The following GRIA1 variants were observed in gnomAD, a reference collection of about 807,000 sequenced individuals.
The protein encoded by GRIA1 is glutamate ionotropic receptor AMPA type subunit 1.
GRIA1 carries 31 observed loss-of-function variants against 99.2 expected under a neutral mutation model. The ratio of observed to expected loss-of-function variants is 0.31; its 90% confidence interval spans 0.23 to 0.42. The LOEUF (loss-of-function observed/expected upper bound fraction) is 0.42, where lower values mean the gene tolerates loss of function less well. GRIA1 is among the 10% of genes least tolerant of loss of function. The probability of loss-of-function intolerance (pLI) is 1.00; values close to 1 mark genes in which losing one functional copy is unlikely to be tolerated. For missense variants in GRIA1, 782 were observed against 1,157.5 expected, an observed-to-expected ratio of 0.68 and a Z score of 4.71; for synonymous variants, 438 against 432.4, an observed-to-expected ratio of 1.01 and a Z score of -0.16.
At chr5:153,759,568 C>CTCCCA (rs1419377651) in intron 11 of GRIA1, among the ~76,000 whole-genome samples, 1 of 151,900 alleles carries the variant, frequency 6.6e-6, no homozygotes, top group Non-Finnish European at 1.5e-5. Context: ...AATAAAAAGT[C>CTCCCA]TCCCATCATA....
chr5:153,670,422 A>G (rs1756073551), intron 5 of GRIA1, among the ~76,000 whole-genome samples: 1 of 147,840 alleles, frequency 6.8e-6, no homozygotes, highest in South Asian at 2.1e-4. Flanking sequence ...CTGAAAAACA[A>G]GTACTCTGTA....
chr5:153,732,671 T>TG (rs35431228), intron 11 of GRIA1, among the ~76,000 whole-genome samples: 142,859 of 152,112 alleles, frequency 0.94, 67,233 homozygotes, highest in East Asian at 1. Context: ...TCCAATTCCA[T>TG]AATTGCCTTT....
intron 2 of GRIA1, among the ~76,000 whole-genome samples, chr5:153,537,807 T>C (rs1264934942): frequency 6.6e-6 from 1 of 152,232 alleles, no homozygotes; most frequent in Non-Finnish European, 1.5e-5. Context: ...ATCTGCAGGT[T>C]GATAAAAATC....
intron 11 of GRIA1, among the ~76,000 whole-genome samples, chr5:153,733,666 A>G (rs1054439751): frequency 1.3e-5 from 2 of 152,162 alleles, no homozygotes; most frequent in African/African-American, 4.8e-5. Flanking sequence ...TGTATAGAAA[A>G]AGATATTTCA....
chr5:153,791,478 G>A (rs1398233452), intron 13 of GRIA1, among the ~76,000 whole-genome samples: 1 of 152,004 alleles, frequency 6.6e-6, no homozygotes, highest in South Asian at 2.1e-4. Context: ...GGACTGAGTA[G>A]TGGGGGGTGG....
At chr5:153,666,947 C>T (rs1210543803) in intron 5 of GRIA1, among the ~76,000 whole-genome samples, 1 of 152,166 alleles carries the variant, frequency 6.6e-6, no homozygotes, top group African/African-American at 2.4e-5. Flanking sequence ...ACATCCTTCA[C>T]TTACTTTCTT....
chr5:153,638,069 C>G (rs962888972), intron 2 of GRIA1, among the ~76,000 whole-genome samples: 1 of 152,150 alleles, frequency 6.6e-6, no homozygotes, highest in South Asian at 2.1e-4. Flanking sequence ...AAAGATGGGT[C>G]AACTTAGTAT....
chr5:153,723,794 T>C (rs6897915), intron 11 of GRIA1, among the ~76,000 whole-genome samples: 77,681 of 149,932 alleles, frequency 0.52, 21,006 homozygotes, highest in East Asian at 0.94. Context: ...CCTGCCTCTG[T>C]AGGCTCCACC....
chr5:153,723,851 C>A (rs1760281231), intron 11 of GRIA1, among the ~76,000 whole-genome samples: 1 of 152,122 alleles, frequency 6.6e-6, no homozygotes, highest in South Asian at 2.1e-4. Flanking sequence ...GTAACCTCTG[C>A]AGACTTAAAT....
chr5:153,742,668 A>T (rs149170684), intron 11 of GRIA1, among the ~76,000 whole-genome samples: 1 of 152,292 alleles, frequency 6.6e-6, no homozygotes, highest in East Asian at 1.9e-4. Flanking sequence ...CTCCTAGAGG[A>T]TACCCTTAGT....
chr5:153,538,607 C>T (rs1416751828), intron 2 of GRIA1, among the ~76,000 whole-genome samples: 1 of 152,140 alleles, frequency 6.6e-6, no homozygotes, highest in Non-Finnish European at 1.5e-5. Context: ...CTAGGAATCC[C>T]TCTGGGAGGT....
chr5:153,577,141 GA>G (rs1762631864), intron 2 of GRIA1, among the ~76,000 whole-genome samples: 1 of 97,214 alleles, frequency 1.0e-5, no homozygotes, highest in Non-Finnish European at 2.2e-5. Context: ...TGGATGGATG[GA>G]TGGATGGATG....
chr5:153,506,133 G>A (rs1755464967), intron 2 of GRIA1, among the ~76,000 whole-genome samples: 1 of 152,112 alleles, frequency 6.6e-6, no homozygotes, highest in Non-Finnish European at 1.5e-5. Context: ...GCAAGTCAAG[G>A]GCTGGCAGAT....
chr5:153,709,613 T>C (rs1376834665), intron 11 of GRIA1, among the ~76,000 whole-genome samples: 1 of 152,238 alleles, frequency 6.6e-6, no homozygotes, highest in African/African-American at 2.4e-5. Flanking sequence ...GAAATCCAGA[T>C]TGGCCATTCT....
intron 2 of GRIA1, among the ~76,000 whole-genome samples, chr5:153,536,732 G>A (rs1561621382): frequency 6.6e-6 from 1 of 152,160 alleles, no homozygotes; most frequent in Non-Finnish European, 1.5e-5. Context: ...GAAACATTTT[G>A]TTTCATTCTA....
At chr5:153,493,606 C>T (rs1754128455) in intron 1 of GRIA1, among the ~76,000 whole-genome samples, 1 of 152,086 alleles carries the variant, frequency 6.6e-6, no homozygotes, top group Non-Finnish European at 1.5e-5. Flanking sequence ...AATAGCAGCT[C>T]CTAGGTGGTT....
intron 5 of GRIA1, among the ~76,000 whole-genome samples, chr5:153,667,992 A>G (rs1314104290): frequency 6.6e-6 from 1 of 152,222 alleles, no homozygotes; most frequent in East Asian, 1.9e-4. Context: ...TTGTACTCAA[A>G]TGCCTTTTCA....
At chr5:153,798,924 G>A (rs955105746) in intron 14 of GRIA1, among the ~76,000 whole-genome samples, 1 of 152,098 alleles carries the variant, frequency 6.6e-6, no homozygotes, top group African/African-American at 2.4e-5. Context: ...CAGATGAGTG[G>A]GGGGGTTTCA....
intron 13 of GRIA1, among the ~76,000 whole-genome samples, chr5:153,784,012 C>G (rs940414188): frequency 8.5e-5 from 13 of 152,174 alleles, no homozygotes; most frequent in Non-Finnish European, 1.0e-4. Context: ...TTTAGTTATG[C>G]TACCTAGTCC....
Sources: allele counts gnomAD v4.1 joint callset (sites outside exome capture counted in the v4.1 genomes callset), GRCh38; gene constraint gnomAD v4.1.1; transcripts MANE v1.5; gene names NCBI Gene and HGNC (gene_info 2026-07-23, HGNC 2026-07-21).